The following SERPINB11 variants were observed in gnomAD, a reference collection of about 807,000 sequenced individuals.
SERPINB11 encodes the protein serpin B11.
SERPINB11 carries 32 observed loss-of-function variants against 36.7 expected under a neutral mutation model. The observed-to-expected ratio is 0.87, with a 90% CI of 0.66 to 1.17. The LOEUF is 1.17. Among genes scored for constraint, SERPINB11 ranks in the 50% most tolerant of loss-of-function variants. The pLI is 0.00. For missense variants in SERPINB11, 528 were observed against 458.4 expected, an observed-to-expected ratio of 1.15 and a Z score of -1.39; for synonymous variants, 174 against 168.1, an observed-to-expected ratio of 1.04 and a Z score of -0.27.
At chr18:63,716,190 T>A (rs1277450017) in intron 5 of SERPINB11, 38 bp downstream of exon 5, 1 of 1,365,404 alleles carries the variant, frequency 7.3e-7, no homozygotes, top group East Asian at 2.4e-5. Flanking sequence ...AACTCTGTGT[T>A]GTGTTGATAA....
In SERPINB11 at chr18:63,714,452, C is replaced by T. The variant is rs8094877; in HGVS notation, c.358-1583C>T. Among the ~76,000 whole-genome samples, 446 of 152,180 alleles carry T rather than the reference C, an allele frequency of 2.9e-3. 1 individual carries two copies. The highest frequency in any genetic ancestry group is 0.01 in the African/African-American group (423 of 41,508). On this transcript the variant is annotated intron_variant, in intron 4 of 7. Transcript: ENST00000544088. ...AAAATTTACTAGTCAGGAATTTCCTCGTCCTGATAGGCCTGGGAGTGCTAC... is the reference window on the plus strand; with the variant it reads ...AAAATTTACTAGTCAGGAATTTCCTTGTCCTGATAGGCCTGGGAGTGCTAC...
At chr18:63,716,978 G>A (rs746986263) in intron 5 of SERPINB11, among the ~76,000 whole-genome samples, 1 of 151,980 alleles carries the variant, frequency 6.6e-6, no homozygotes, top group African/African-American at 2.4e-5. Flanking sequence ...TCATGACTCA[G>A]GTCAGCAAAA....
chr18:63,705,043 T>G (rs750660087), intron 1 of SERPINB11, among the ~76,000 whole-genome samples: 66 of 152,188 alleles, frequency 4.3e-4, no homozygotes, highest in African/African-American at 1.5e-3. Flanking sequence ...TAGTACTAGG[T>G]GAAAAGTATG....
In SERPINB11 at chr18:63,720,884, C is replaced by G. The variant is rs34023430; in HGVS notation, c.672C>G (p.Ala224=). Residue 224 remains alanine, a synonymous_variant, in exon 7 of 8, where the codon GCC becomes GCG. Coordinates refer to ENST00000544088, the MANE Select transcript of SERPINB11 (RefSeq NM_001370475.1). ...MMYQIGTFKL[A]FVKEPQMQVL... is the part of the protein sequence containing the mutation. ...ATCAAATTGGAACATTTAAACTGGCCTTTGTAAAGGAGCCGCAGATGCAAG... is the reference window on the plus strand; with the variant it reads ...ATCAAATTGGAACATTTAAACTGGCGTTTGTAAAGGAGCCGCAGATGCAAG... 1.9e-6 allele frequency: 3 copies of G among 1,585,132 alleles called. No homozygotes were observed. Among genetic ancestry groups the G allele is most frequent in the Non-Finnish European group, 2.6e-6 (3 of 1,164,486 alleles).
At chr18:63,720,704 T>C (rs1914787015) in intron 6 of SERPINB11, 127 bp from the exon 7 acceptor site, 1 of 650,952 alleles carries the variant, frequency 1.5e-6, no homozygotes, top group Non-Finnish European at 2.6e-6. Context: ...GGAATCTACT[T>C]TGTAGTTTCT....
Position 63,712,588 on chromosome 18 carries a change from T to C in SERPINB11, c.252T>C (p.His84=), listed in dbSNP as rs1914554538. The C allele has an allele frequency of 6.2e-7, 1 of 1,613,690 alleles. No individual in the cohort carries two copies. The highest frequency in any genetic ancestry group is 8.5e-7 in the Non-Finnish European group (1 of 1,179,736). Reference sequence around the variant, plus strand: ...AGTGCAGCCAAGCTGGAAGAATTCATTCCGAGTTTGGTGTCGAATTCTCTC... The same window carrying C: ...AGTGCAGCCAAGCTGGAAGAATTCACTCCGAGTTTGGTGTCGAATTCTCTC... The part of the protein sequence containing the change: ...SPKCSQAGRI[H]SEFGVEFSQI... The change falls in exon 4 of 8, where the codon CAT becomes CAC. Residue 84 remains histidine, a synonymous_variant. Coordinates refer to ENST00000544088, the MANE Select transcript of SERPINB11 (RefSeq NM_001370475.1).
chr18:63,723,738 GTGACC>G lies in SERPINB11; in HGVS notation c.*344_*348del, dbSNP rs1914890483. 5.0e-6 allele frequency: 1 copy of G among 200,598 alleles called. No individual in the cohort carries two copies. Among genetic ancestry groups the G allele is most frequent in the African/African-American group, 2.3e-5 (1 of 43,488 alleles). 12.4% of individuals were successfully genotyped at this position (200,598 alleles called of 1,614,324 possible). A position where few individuals can be genotyped will look rare whatever the true frequency, so the allele number is the denominator to read the frequency against. On this transcript the variant is annotated 3_prime_UTR_variant, in exon 8 of 8. Coordinates refer to ENST00000544088, the MANE Select transcript of SERPINB11 (RefSeq NM_001370475.1). ...TATGTATCTGTGAGATCTTGAATAA[GTGACC>G]TGACATCTCTGCTTAAAGAAAACCA... is the stretch of plus-strand genomic sequence containing the variant.
intron 1 of SERPINB11, among the ~76,000 whole-genome samples, chr18:63,704,236 T>C (rs1453663115): frequency 2.0e-5 from 3 of 152,240 alleles, no homozygotes; most frequent in Non-Finnish European, 4.4e-5. Flanking sequence ...CCTTACAGAA[T>C]GTTCAATGTA....
At chr18:63,704,616 A>T (rs567589619) in intron 1 of SERPINB11, among the ~76,000 whole-genome samples, 1 of 152,356 alleles carries the variant, frequency 6.6e-6, no homozygotes, top group East Asian at 1.9e-4. Flanking sequence ...ATTTGAATTA[A>T]CTATAATTAT....
At position 63,723,471 on chromosome 18, in the gene SERPINB11, A is replaced by G; in HGVS notation, c.*72A>G. The G allele has an allele frequency of 6.9e-7, 1 of 1,440,632 alleles. No individual in the cohort carries two copies. Among genetic ancestry groups the G allele is most frequent in the Non-Finnish European group, 9.4e-7 (1 of 1,062,302 alleles). The allele number at this position is 1,440,632 out of a possible 1,614,324, so 89.2% of individuals were successfully genotyped here. A position where few individuals can be genotyped will look rare whatever the true frequency, so the allele number is the denominator to read the frequency against. On this transcript the variant is annotated 3_prime_UTR_variant, in exon 8 of 8. Coordinates refer to ENST00000544088, the MANE Select transcript of SERPINB11 (RefSeq NM_001370475.1). ...ACAATCCTGTGACTTTCCCACGGCC[A>G]AAAAGCTGTTCACACCTCACACACC... is the stretch of plus-strand genomic sequence containing the variant.
At chr18:63,713,412 G>C (rs11152403) in intron 4 of SERPINB11, among the ~76,000 whole-genome samples, 56,465 of 151,996 alleles carry the variant, frequency 0.37, 11,356 homozygotes, top group East Asian at 0.61. Context: ...TAACCCCTAT[G>C]CAAATCTGTC....
upstream of SERPINB11, chr18:63,702,947 G>A (rs114003126): frequency 4.9e-4 from 75 of 152,300 alleles, no homozygotes; most frequent in African/African-American, 1.6e-3. Flanking sequence ...TTCCTTTTGA[G>A]GGACGCAGCT....
At chr18:63,702,946 A>C (rs1396254500), upstream of SERPINB11, 1 of 151,626 alleles carries the variant, frequency 6.6e-6, no homozygotes, top group Non-Finnish European at 1.5e-5. Context: ...TTTCCTTTTG[A>C]GGGACGCAGC....
rs893771493 is a variant in SERPINB11, at chr18:63,720,784, G to A, written c.619-47G>A. The A allele has an allele frequency of 9.4e-6, 13 of 1,382,820 alleles. No individual in the cohort carries two copies. The East Asian group carries it at 1.5e-4, about 16-fold the overall frequency. The allele number at this position is 1,382,820 out of a possible 1,614,324, so 85.7% of individuals were successfully genotyped here. Reference sequence around the variant, plus strand: ...TGCAAGGTAATCAGTACACACACATGTGCACTCACATATGTAAGTATACTA... The same window carrying A: ...TGCAAGGTAATCAGTACACACACATATGCACTCACATATGTAAGTATACTA... On this transcript the variant is annotated intron_variant, in intron 6 of 7. Transcript: ENST00000544088.
At chr18:63,704,007 C>T (rs2144526016) in intron 1 of SERPINB11, among the ~76,000 whole-genome samples, 1 of 152,246 alleles carries the variant, frequency 6.6e-6, no homozygotes, top group Non-Finnish European at 1.5e-5. Context: ...CATTCCCTTA[C>T]CACGTGAGTG....
chr18:63,710,436 T>A, intron 2 of SERPINB11, 75 bp downstream of exon 2: 1 of 1,228,396 alleles, frequency 8.1e-7, no homozygotes, highest in Non-Finnish European at 1.1e-6. Context: ...CAAAATTAAT[T>A]CTATCTTTAT....
At chr18:63,718,445 A>AT (rs1914723904) in intron 5 of SERPINB11, among the ~76,000 whole-genome samples, 1 of 151,730 alleles carries the variant, frequency 6.6e-6, no homozygotes, top group South Asian at 2.1e-4. Flanking sequence ...GTCTTCCTTA[A>AT]TTTTTTCTTT....
intron 5 of SERPINB11, 54 bp downstream of exon 5, chr18:63,716,206 C>A: frequency 8.9e-7 from 1 of 1,127,244 alleles, no homozygotes; most frequent in Non-Finnish European, 1.3e-6. Flanking sequence ...GATAAGCAAC[C>A]TGAGTCCACT....
At position 63,723,352 on chromosome 18, in the gene SERPINB11, A is replaced by G. The variant is rs1245823541; in HGVS notation, c.1132A>G (p.Thr378Ala). 1 of 1,613,670 alleles carries G rather than the reference A, an allele frequency of 6.2e-7. No homozygotes were observed. Among genetic ancestry groups the G allele is most frequent in the East Asian group, 2.2e-5 (1 of 44,872 alleles). Reference protein sequence around the residue: ...NHPFLFFIRHTHTNTILFCGK... With the variant: ...NHPFLFFIRHAHTNTILFCGK... ...CCCCTTCCTTTTCTTTATAAGGCACACTCATACCAACACGATCCTATTCTG... is the reference window on the plus strand; with the variant it reads ...CCCCTTCCTTTTCTTTATAAGGCACGCTCATACCAACACGATCCTATTCTG... The change falls in exon 8 of 8, where the codon ACT becomes GCT. Residue 378 changes from threonine (T) to alanine (A), a missense_variant. Coordinates refer to ENST00000544088, the MANE Select transcript of SERPINB11 (RefSeq NM_001370475.1).
Sources: gnomAD v4.1 joint callset for allele counts (sites outside exome capture counted in the v4.1 genomes callset) on GRCh38, gnomAD v4.1.1 for gene constraint, MANE v1.5 for transcripts, NCBI Gene and HGNC (gene_info 2026-07-23, HGNC 2026-07-21) for gene names.